The following RORA variants were observed in gnomAD, a reference collection of about 807,000 sequenced individuals.
RORA encodes the protein RAR related orphan receptor A, also known as nuclear receptor ROR-alpha.
RORA carries 7 observed loss-of-function variants against 69.5 expected under a neutral mutation model. The observed-to-expected ratio is 0.10, with a 90% CI of 0.06 to 0.19. RORA has a LOEUF of 0.19. Among genes scored for constraint, RORA ranks in the 10% least tolerant of loss-of-function variants. The pLI is 1.00. For missense variants in RORA, 457 were observed against 663.0 expected (o/e 0.69, Z 3.41); for synonymous variants, 261 against 240.8 (o/e 1.08, Z -0.78).
At chr15:60,937,776 A>T (rs1476433405) in intron 1 of RORA, among the ~76,000 whole-genome samples, 1 of 152,178 alleles carries the variant, frequency 6.6e-6, no homozygotes, top group East Asian at 1.9e-4. Context: ...GGCCATCTGA[A>T]ATATTATCAG....
At chr15:61,048,182 A>G (rs1897126485) in intron 1 of RORA, among the ~76,000 whole-genome samples, 1 of 152,178 alleles carries the variant, frequency 6.6e-6, no homozygotes, top group Non-Finnish European at 1.5e-5. Flanking sequence ...TAATATCAAC[A>G]ATACTTTAAG....
chr15:60,988,948 A>C (rs878960214), intron 1 of RORA, among the ~76,000 whole-genome samples: 4 of 152,242 alleles, frequency 2.6e-5, no homozygotes, highest in Admixed American at 2.6e-4. Context: ...GGGCACAGTG[A>C]TAAAGGCAGA....
chr15:61,197,284 CA>C (rs1048045766), intron 1 of RORA, among the ~76,000 whole-genome samples: 4 of 152,188 alleles, frequency 2.6e-5, no homozygotes, highest in Admixed American at 2.6e-4. Flanking sequence ...AACCCAGAAT[CA>C]GGGGGAGACT....
chr15:60,995,376 G>A (rs976670409), intron 1 of RORA, among the ~76,000 whole-genome samples: 8 of 152,136 alleles, frequency 5.3e-5, no homozygotes, highest in South Asian at 2.1e-4. Flanking sequence ...CTCGGCCAGC[G>A]CGAGGCCTCC....
chr15:61,206,170 A>G (rs2079939338), intron 1 of RORA, among the ~76,000 whole-genome samples: 1 of 39,102 alleles, frequency 2.6e-5, no homozygotes. Context: ...GAGGATGCAG[A>G]TAATACTTTA....
intron 2 of RORA, chr15:60,592,425 G>A: frequency 7.7e-6 from 11 of 1,430,710 alleles, no homozygotes; most frequent in Non-Finnish European, 9.2e-6. Flanking sequence ...CATTTAAGCC[G>A]CGGTGCGGAG....
intron 1 of RORA, among the ~76,000 whole-genome samples, chr15:61,216,803 T>C (rs963482971): frequency 6.6e-6 from 1 of 152,168 alleles, no homozygotes; most frequent in African/African-American, 2.4e-5. Context: ...CCATGGTAGC[T>C]GAACTGAGGG....
At chr15:60,518,555 T>A (rs2066044330) in intron 3 of RORA, among the ~76,000 whole-genome samples, 1 of 152,230 alleles carries the variant, frequency 6.6e-6, no homozygotes, top group African/African-American at 2.4e-5. Flanking sequence ...CCAAGTGGGC[T>A]AGAGCCCACA....
At chr15:60,920,697 A>G (rs1014529977) in intron 1 of RORA, among the ~76,000 whole-genome samples, 1 of 152,270 alleles carries the variant, frequency 6.6e-6, no homozygotes, top group East Asian at 1.9e-4. Flanking sequence ...TGATGAGACC[A>G]TTGCTATAAT....
chr15:60,823,074 T>C lies in RORA; in HGVS notation c.167-144388A>G, dbSNP rs28452042. 1.4e-3 allele frequency among the ~76,000 whole-genome samples: 173 copies of C among 123,196 alleles called. 1 individual carries two copies. Among genetic ancestry groups the C allele is most frequent in the Admixed American group, 2.8e-3 (33 of 11,884 alleles). 80.8% of individuals were successfully genotyped at this position (123,196 alleles called of 152,430 possible). ...TCTCCCTCCCCTCCCCTCCCTCCCT[T>C]CCTTCCTTCCTTCTTTCCTTCCTTC... On this transcript the variant is annotated intron_variant, in intron 1 of 10. Transcript: ENST00000335670.
chr15:60,794,651 G>A (rs995256176), intron 1 of RORA, among the ~76,000 whole-genome samples: 6 of 152,186 alleles, frequency 3.9e-5, no homozygotes, highest in African/African-American at 7.2e-5. Flanking sequence ...GCAGGTTTCC[G>A]ACAGCAAAAT....
At chr15:60,819,769 A>ACACACACACGCGCG (rs1555455777) in intron 1 of RORA, among the ~76,000 whole-genome samples, 59 of 150,046 alleles carry the variant, frequency 3.9e-4, no homozygotes, top group Non-Finnish European at 6.4e-4. Context: ...ACACACACAC[A>ACACACACACGCGCG]CACACACACA....
chr15:60,709,934 C>G (rs536228767), intron 1 of RORA, among the ~76,000 whole-genome samples: 122 of 152,216 alleles, frequency 8.0e-4, no homozygotes, highest in African/African-American at 2.9e-3. Context: ...TTAGACCACC[C>G]TGCCTCTGTA....
intron 2 of RORA, among the ~76,000 whole-genome samples, chr15:60,677,850 G>T (rs551364731): frequency 6.6e-5 from 10 of 152,162 alleles, no homozygotes; most frequent in Non-Finnish European, 1.3e-4. Flanking sequence ...TAGGTAGCAC[G>T]TATCCGTGGT....
chr15:61,102,313 C>T (rs557702168), intron 1 of RORA, among the ~76,000 whole-genome samples: 88 of 152,174 alleles, frequency 5.8e-4, no homozygotes, highest in Non-Finnish European at 1.0e-3. Flanking sequence ...AAACGTCACA[C>T]AGGCAGTGAA....
intron 1 of RORA, among the ~76,000 whole-genome samples, chr15:60,977,777 C>T (rs563130488): frequency 8.5e-4 from 129 of 152,300 alleles, no homozygotes; most frequent in Non-Finnish European, 1.6e-3. Context: ...CATGAGGTAG[C>T]ATGTATCAGT....
chr15:60,531,876 T>A lies in RORA; in HGVS notation c.197-25A>T. ...GCTGCAACAGAAGCACGCAACCAGT[T>A]AATTACATTTTCTTTTAAACACCTT... On this transcript the variant is annotated intron_variant, in intron 2 of 10. Transcript: ENST00000335670. The surrounding 1 kb of genome is among the most constrained non-coding windows in gnomAD (Gnocchi z 4.8). The A allele has an allele frequency of 1.4e-6, 2 of 1,463,880 alleles. No homozygotes were observed. The highest frequency in any genetic ancestry group is 1.9e-6 in the Non-Finnish European group (2 of 1,065,416). The allele number at this position is 1,463,880 out of a possible 1,614,324, so 90.7% of individuals were successfully genotyped here. A position where few individuals can be genotyped will look rare whatever the true frequency, so the allele number is the denominator to read the frequency against.
chr15:60,608,074 CT>C (rs1192390776), intron 2 of RORA, among the ~76,000 whole-genome samples: 1 of 152,218 alleles, frequency 6.6e-6, no homozygotes, highest in African/African-American at 2.4e-5. Context: ...ACTGCTGCCT[CT>C]CCACCTGCCA....
intron 7 of RORA, 89 bp downstream of exon 7, chr15:60,503,446 C>G (rs2065394415): frequency 7.4e-7 from 1 of 1,359,978 alleles, no homozygotes; most frequent in South Asian, 1.4e-5. Flanking sequence ...AAAAACTGTT[C>G]CCGACACCTT....
Sources: allele counts gnomAD v4.1 joint callset (sites outside exome capture counted in the v4.1 genomes callset), GRCh38; gene constraint gnomAD v4.1.1; non-coding constraint Gnocchi (gnomAD v3.1); transcripts MANE v1.5; gene names NCBI Gene and HGNC (gene_info 2026-07-23, HGNC 2026-07-21).